The following TMEM127 variants were observed in gnomAD, a reference collection of about 807,000 sequenced individuals.
TMEM127 encodes transmembrane protein 127.
Under a neutral mutation model 20.1 loss-of-function variants are expected in TMEM127, and 21 were observed. That is an observed-to-expected ratio of 1.04 (90% CI 0.74 to 1.50). The LOEUF is 1.50. TMEM127 is among the 40% of genes most tolerant of loss of function. TMEM127 has a pLI of 0.00. For synonymous variants in TMEM127, 150 were observed against 144.7 expected, an observed-to-expected ratio of 1.04 and a Z score of -0.26; for missense variants, 303 against 317.4, an observed-to-expected ratio of 0.95 and a Z score of 0.34.
Position 96,253,676 on chromosome 2 carries a change from C to T in TMEM127, c.*132G>A. 2 of 1,018,420 alleles carry T rather than the reference C, an allele frequency of 2.0e-6. No homozygotes were observed. Among genetic ancestry groups the T allele is most frequent in the South Asian group, 3.4e-5 (2 of 58,944 alleles). The allele number at this position is 1,018,420 out of a possible 1,614,324, so 63.1% of individuals were successfully genotyped here. ...GGATGACCCTAAAGGCAGAGTCTCT[C>T]CTGGGGAAGGTTTGGAGAAGATGGT... is the stretch of plus-strand genomic sequence containing the variant. On this transcript the variant is annotated 3_prime_UTR_variant, in exon 4 of 4. Transcript: ENST00000258439. The surrounding 1 kb of genome is among the most constrained non-coding windows in gnomAD (Gnocchi z 4.3).
chr2:96,260,309 G>A (rs928868015), intron 2 of TMEM127, among the ~76,000 whole-genome samples: 3 of 152,174 alleles, frequency 2.0e-5, no homozygotes, highest in Admixed American at 6.5e-5. Context: ...CTTCCTAGAC[G>A]TCGGTACAGC....
chr2:96,257,174 C>T lies in TMEM127; in HGVS notation c.245-2177G>A, dbSNP rs1047447682. ...TCTTTAAAAAAACATTTCAACTAGACGACACTACCAGGCACAGTGGCTCAC... is the reference window on the plus strand; with the variant it reads ...TCTTTAAAAAAACATTTCAACTAGATGACACTACCAGGCACAGTGGCTCAC... On this transcript the variant is annotated intron_variant, in intron 2 of 3. Coordinates refer to ENST00000258439, the MANE Select transcript of TMEM127 (RefSeq NM_017849.4). Among the ~76,000 whole-genome samples the T allele has an allele frequency of 3.3e-5, 5 of 152,116 alleles. No individual in the cohort carries two copies. In the South Asian group the frequency reaches 6.2e-4, roughly 19 times the overall value.
At position 96,265,467 on chromosome 2, in the gene TMEM127, A is replaced by G; in HGVS notation, c.-86T>C. The G allele has an allele frequency of 7.8e-7, 1 of 1,277,550 alleles. No homozygotes were observed. The highest frequency in any genetic ancestry group is 4.3e-5 in the Admixed American group (1 of 23,422). The allele number at this position is 1,277,550 out of a possible 1,614,324, so 79.1% of individuals were successfully genotyped here. On this transcript the variant is annotated 5_prime_UTR_variant, in exon 2 of 4. Transcript: ENST00000258439. ...CGCGCAGAGCCTGACAGTCCGGTGG[A>G]GGATAGCAACGCTCCGGGTTCGCTG...
At chr2:96,256,635 T>A (rs182313050) in intron 2 of TMEM127, among the ~76,000 whole-genome samples, 27 of 151,220 alleles carry the variant, frequency 1.8e-4, no homozygotes, top group Non-Finnish European at 2.7e-4. Context: ...ACCACAATTT[T>A]AAAAAAAAGT....
rs536118315 is a variant in TMEM127, at chr2:96,250,632, C to T, written c.*3176G>A. 2 of 232,896 alleles carry T rather than the reference C, an allele frequency of 8.6e-6. No homozygotes were observed. The highest frequency in any genetic ancestry group is 8.5e-6 in the Non-Finnish European group (1 of 117,896). The allele number at this position is 232,896 out of a possible 1,614,324, so 14.4% of individuals were successfully genotyped here. A position where few individuals can be genotyped will look rare whatever the true frequency, so the allele number is the denominator to read the frequency against. ...ACAAAAGAGACCTAAATGGGCTGCT[C>T]CCTGAAGAGAGCCCTCAGCTCTTTT... On this transcript the variant is annotated 3_prime_UTR_variant, in exon 4 of 4. Coordinates refer to ENST00000258439, the MANE Select transcript of TMEM127 (RefSeq NM_017849.4).
chr2:96,264,717 T>C (rs1029647589), intron 2 of TMEM127, among the ~76,000 whole-genome samples: 9 of 152,232 alleles, frequency 5.9e-5, no homozygotes, highest in Admixed American at 2.0e-4. Flanking sequence ...ACGCATCCGA[T>C]TACCATAGAA....
rs1684399616 is a variant in TMEM127 at position 96,265,404 on chromosome 2, T to A, written c.-23A>T. On this transcript the variant is annotated 5_prime_UTR_variant, in exon 2 of 4. Transcript: ENST00000258439. ...CATGCCCGGGGCCGCCCGCCGTCGC[T>A]CCGCAGTCGCTGCTGGTCGCCGCCG... 7.4e-7 allele frequency: 1 copy of A among 1,356,922 alleles called. No homozygotes were observed. The highest frequency in any genetic ancestry group is 1.5e-5 in the African/African-American group (1 of 65,296). The allele number at this position is 1,356,922 out of a possible 1,614,324, so 84.1% of individuals were successfully genotyped here. A position where few individuals can be genotyped will look rare whatever the true frequency, so the allele number is the denominator to read the frequency against.
At position 96,254,054 on chromosome 2, in the gene TMEM127, CT is replaced by C; in HGVS notation, c.470del (p.Gln157ArgfsTer150). ...SYWASELILA[Q>X]QQQHKKYHGS... The stretch of plus-strand genomic sequence containing the variant: ...CATGGTACTTCTTATGCTGCTGCTG[CT>C]GGGCCAAGATGAGTTCAGAAGCCCA... On this transcript the variant is annotated frameshift_variant, in exon 4 of 4. Transcript: ENST00000258439. LOFTEE classifies it high-confidence loss of function. 6.2e-7 allele frequency: 1 copy of C among 1,614,184 alleles called. No homozygotes were observed. Among genetic ancestry groups the C allele is most frequent in the Non-Finnish European group, 8.5e-7 (1 of 1,180,024 alleles).
intron 2 of TMEM127, among the ~76,000 whole-genome samples, chr2:96,257,058 T>C (rs1348296321): frequency 6.6e-6 from 1 of 152,028 alleles, no homozygotes; most frequent in African/African-American, 2.4e-5. Context: ...ACTCAAGGGG[T>C]TCCTGGGGGT....
In TMEM127 at chr2:96,265,239, A is replaced by G. The variant is rs1219876266; in HGVS notation, c.143T>C (p.Leu48Pro). 5 of 1,598,052 alleles carry G rather than the reference A, an allele frequency of 3.1e-6. No homozygotes were observed. Among genetic ancestry groups the G allele is most frequent in the African/African-American group, 2.7e-5 (2 of 74,748 alleles). Reference sequence around the variant, plus strand: ...GATGTGCAACCAGGCGGGCTCGGCGAGGGCAGTGCACAGCGCCGTGATAGA... The same window carrying G: ...GATGTGCAACCAGGCGGGCTCGGCGGGGGCAGTGCACAGCGCCGTGATAGA... ...ALSITALCTA[L>P]AEPAWLHIHG... The change falls in exon 2 of 4, where the codon CTC becomes CCC. Residue 48 changes from leucine (L) to proline (P), a missense_variant. Leu to Pro is a moderately conservative substitution (Grantham distance 98). Transcript: ENST00000258439.
At chr2:96,263,773 A>G (rs1432423188) in intron 2 of TMEM127, among the ~76,000 whole-genome samples, 2 of 152,098 alleles carry the variant, frequency 1.3e-5, no homozygotes, top group African/African-American at 4.8e-5. Flanking sequence ...ATGCAGTGCT[A>G]GATTTCGGAG....
At chr2:96,259,061 C>T (rs1223115022) in intron 2 of TMEM127, among the ~76,000 whole-genome samples, 1 of 152,240 alleles carries the variant, frequency 6.6e-6, no homozygotes, top group Admixed American at 6.5e-5. Context: ...TTTCATTATA[C>T]ATGAATTTTA....
chr2:96,265,315 G>T lies in TMEM127; in HGVS notation c.67C>A (p.Leu23Met), dbSNP rs749807415. Residue 23 changes from leucine (L) to methionine (M), a missense_variant, in exon 2 of 4, where the codon CTG becomes ATG. Coordinates refer to ENST00000258439, the MANE Select transcript of TMEM127 (RefSeq NM_017849.4). Reference protein sequence around the residue: ...RRRRSPGGSALPKQPERSLAS... With the variant: ...RRRRSPGGSAMPKQPERSLAS... ...AGGCTACGCTCCGGCTGCTTGGGCA[G>T]AGCGCTGCCTCCCGGGCTCCTCCGC... The T allele has an allele frequency of 5.2e-6, 8 of 1,535,598 alleles. No individual in the cohort carries two copies. In the Admixed American group the frequency reaches 1.6e-4, roughly 30 times the overall value.
At chr2:96,262,190 C>T (rs764233770) in intron 2 of TMEM127, among the ~76,000 whole-genome samples, 5 of 148,186 alleles carry the variant, frequency 3.4e-5, no homozygotes, top group African/African-American at 7.4e-5. Flanking sequence ...ACCCGGGAGG[C>T]GGAGGTTGCA....
intron 2 of TMEM127, among the ~76,000 whole-genome samples, chr2:96,261,788 AC>A (rs1684315453): frequency 6.6e-6 from 1 of 152,172 alleles, no homozygotes. Context: ...CTGAAACAGT[AC>A]CTACCAAATA....
chr2:96,252,091 C>G lies in TMEM127; in HGVS notation c.*1717G>C, dbSNP rs898532357. ...GAAGAGTCCAGAAGAGCAGGAGAGT[C>G]ACCTTTGAACACACTCTGGCATCAC... is the stretch of plus-strand genomic sequence containing the variant. On this transcript the variant is annotated 3_prime_UTR_variant, in exon 4 of 4. Transcript: ENST00000258439. The surrounding 1 kb of genome is among the most constrained non-coding windows in gnomAD (Gnocchi z 4.2). The G allele has an allele frequency of 4.3e-6, 1 of 233,300 alleles. No homozygotes were observed. The highest frequency in any genetic ancestry group is 5.6e-5 in the Admixed American group (1 of 17,790). 14.5% of individuals were successfully genotyped at this position (233,300 alleles called of 1,614,324 possible).
At chr2:96,256,954 C>T (rs998591360) in intron 2 of TMEM127, among the ~76,000 whole-genome samples, 4 of 152,170 alleles carry the variant, frequency 2.6e-5, no homozygotes, top group Non-Finnish European at 5.9e-5. Context: ...CACATTTATA[C>T]CACAAAAGCC....
In TMEM127 at chr2:96,253,717, G is replaced by A. The variant is rs1684138168; in HGVS notation, c.*91C>T. ...AGAAGATGGTCAGGATCCTACCAGTGAGGCCTGCTGGGGAAAGGAGCTCCT... is the reference window on the plus strand; with the variant it reads ...AGAAGATGGTCAGGATCCTACCAGTAAGGCCTGCTGGGGAAAGGAGCTCCT... On this transcript the variant is annotated 3_prime_UTR_variant, in exon 4 of 4. Coordinates refer to ENST00000258439, the MANE Select transcript of TMEM127 (RefSeq NM_017849.4). The surrounding 1 kb of genome is among the most constrained non-coding windows in gnomAD (Gnocchi z 4.3). 2 of 1,409,200 alleles carry A rather than the reference G, an allele frequency of 1.4e-6. No individual in the cohort carries two copies. The highest frequency in any genetic ancestry group is 1.4e-5 in the African/African-American group (1 of 69,972). The allele number at this position is 1,409,200 out of a possible 1,614,324, so 87.3% of individuals were successfully genotyped here.
rs149437780 is a variant in TMEM127, at chr2:96,253,444, T to C, written c.*364A>G. 3.3e-4 allele frequency: 108 copies of C among 326,298 alleles called. No homozygotes were observed. The highest frequency in any genetic ancestry group is 4.9e-4 in the Non-Finnish European group (86 of 174,512). The allele number at this position is 326,298 out of a possible 1,614,324, so 20.2% of individuals were successfully genotyped here. The stretch of plus-strand genomic sequence containing the variant: ...CACAGTCCCCTTTCCCTTGGGCCCT[T>C]TGACACTTGTTTTTGGGACTGTCCG... On this transcript the variant is annotated 3_prime_UTR_variant, in exon 4 of 4. Transcript: ENST00000258439. The surrounding 1 kb of genome is among the most constrained non-coding windows in gnomAD (Gnocchi z 4.3).
Sources: allele counts gnomAD v4.1 joint callset (sites outside exome capture counted in the v4.1 genomes callset), GRCh38; gene constraint gnomAD v4.1.1; non-coding constraint Gnocchi (gnomAD v3.1); transcripts MANE v1.5; gene names NCBI Gene and HGNC (gene_info 2026-07-23, HGNC 2026-07-21).